ADAM29: variants seen among roughly 807,000 people sequenced by gnomAD.
ADAM29 encodes disintegrin and metalloproteinase domain-containing protein 29.
For synonymous variants in ADAM29, 367 were observed against 342.3 expected (o/e 1.07, Z -0.80); for missense variants, 969 against 1,001.8 (o/e 0.97, Z 0.44).
chr4:174,956,900 A>G (rs1745539533), intron 4 of ADAM29, among the ~76,000 whole-genome samples: 1 of 151,890 alleles, frequency 6.6e-6, no homozygotes, highest in Non-Finnish European at 1.5e-5. Context: ...TGATTCCTAA[A>G]AGTCATGTTC....
chr4:174,950,118 G>C (rs1439158270), intron 4 of ADAM29, among the ~76,000 whole-genome samples: 1 of 152,062 alleles, frequency 6.6e-6, no homozygotes, highest in Non-Finnish European at 1.5e-5. Context: ...ATAAGTAAAA[G>C]TATTGATTTT....
chr4:174,923,815 A>C (rs1252320531), intron 2 of ADAM29: 1 of 152,228 alleles, frequency 6.6e-6, no homozygotes, highest in African/African-American at 2.4e-5. Context: ...TTATATGCCT[A>C]CCTCCAGGCA....
chr4:174,962,056 A>G (rs961160471), intron 4 of ADAM29, among the ~76,000 whole-genome samples: 3 of 152,226 alleles, frequency 2.0e-5, no homozygotes, highest in Non-Finnish European at 4.4e-5. Flanking sequence ...AAGAAAATAA[A>G]AATAATAATT....
chr4:174,929,026 G>T (rs1259933970), intron 2 of ADAM29, among the ~76,000 whole-genome samples: 1 of 152,202 alleles, frequency 6.6e-6, no homozygotes, highest in South Asian at 2.1e-4. Context: ...GTTGAGTCAG[G>T]TTCAGGGGAA....
intron 4 of ADAM29, among the ~76,000 whole-genome samples, chr4:174,970,278 C>A (rs575812986): frequency 6.6e-6 from 1 of 152,160 alleles, no homozygotes; most frequent in Admixed American, 6.6e-5. Context: ...ATTAAGGTTG[C>A]AGATGGAATC....
intron 4 of ADAM29, among the ~76,000 whole-genome samples, chr4:174,950,781 A>T (rs1221375469): frequency 6.6e-6 from 1 of 152,132 alleles, no homozygotes; most frequent in Non-Finnish European, 1.5e-5. Context: ...GCCTGGTGGG[A>T]AGTGAGTAAT....
At chr4:174,924,603 C>T (rs1205869239) in intron 2 of ADAM29, among the ~76,000 whole-genome samples, 1 of 152,024 alleles carries the variant, frequency 6.6e-6, no homozygotes, top group Non-Finnish European at 1.5e-5. Context: ...TACGACATAT[C>T]AATACAATGG....
chr4:174,932,357 G>C (rs1382833857), intron 3 of ADAM29, among the ~76,000 whole-genome samples: 1 of 152,144 alleles, frequency 6.6e-6, no homozygotes, highest in Non-Finnish European at 1.5e-5. Context: ...TATAATCAGA[G>C]AGTAAAGATG....
At chr4:174,941,352 G>T (rs968801986) in intron 4 of ADAM29, among the ~76,000 whole-genome samples, 2 of 152,008 alleles carry the variant, frequency 1.3e-5, no homozygotes, top group Admixed American at 6.6e-5. Flanking sequence ...TCCATGGGTT[G>T]GTTCCCTATA....
chr4:174,940,755 T>C (rs375433263), intron 4 of ADAM29, among the ~76,000 whole-genome samples: 10 of 152,160 alleles, frequency 6.6e-5, no homozygotes, highest in Non-Finnish European at 1.3e-4. Flanking sequence ...TGACTTTATA[T>C]GTGACATTTT....
intron 4 of ADAM29, among the ~76,000 whole-genome samples, chr4:174,956,622 T>A (rs893943524): frequency 1.3e-5 from 2 of 151,842 alleles, no homozygotes; most frequent in Non-Finnish European, 2.9e-5. Flanking sequence ...ATAATCATTG[T>A]GGTGGTAATA....
At chr4:174,929,230 G>T (rs1318538367) in intron 2 of ADAM29, among the ~76,000 whole-genome samples, 1 of 151,968 alleles carries the variant, frequency 6.6e-6, no homozygotes, top group Non-Finnish European at 1.5e-5. Context: ...TACACTCCTG[G>T]TTACTCCATA....
At position 174,959,816 on chromosome 4, in the gene ADAM29, A is replaced by G. The variant is rs79458744; in HGVS notation, c.-180-15530A>G. Among the ~76,000 whole-genome samples, 1,357 of 151,992 alleles carry G rather than the reference A, an allele frequency of 8.9e-3. 9 individuals are homozygous for G. Among genetic ancestry groups the G allele is most frequent in the Non-Finnish European group, 0.014 (952 of 67,838 alleles). On this transcript the variant is annotated intron_variant, in intron 4 of 4. Transcript: ENST00000359240. ...ACACATTCATTTCTGTTACTTTAAG[A>G]AAGTTTTCTGCATTTTATTTTTTAC... is the stretch of plus-strand genomic sequence containing the variant.
At chr4:174,969,868 A>G (rs2111095861) in intron 4 of ADAM29, among the ~76,000 whole-genome samples, 1 of 152,216 alleles carries the variant, frequency 6.6e-6, no homozygotes, top group South Asian at 2.1e-4. Flanking sequence ...TCCCATAAAT[A>G]TTTGATTAAA....
intron 3 of ADAM29, among the ~76,000 whole-genome samples, chr4:174,933,900 G>T (rs1744053497): frequency 6.6e-6 from 1 of 152,064 alleles, no homozygotes; most frequent in African/African-American, 2.4e-5. Context: ...GGTTAATTCT[G>T]TGTCTCTACT....
intron 4 of ADAM29, among the ~76,000 whole-genome samples, chr4:174,946,611 A>G (rs1011846268): frequency 1.3e-5 from 2 of 151,986 alleles, no homozygotes; most frequent in Non-Finnish European, 2.9e-5. Flanking sequence ...TTTCCCATTC[A>G]CTGTGATATT....
chr4:174,962,279 G>A (rs1055314755), intron 4 of ADAM29, among the ~76,000 whole-genome samples: 31 of 152,110 alleles, frequency 2.0e-4, no homozygotes, highest in African/African-American at 4.3e-4. Context: ...TGGGAGGCCG[G>A]GGCGGGCAGA....
rs143383748 is a variant in ADAM29, at chr4:174,920,035, T to G, written c.-556-652T>G. On this transcript the variant is annotated intron_variant, in intron 1 of 4. Coordinates refer to ENST00000359240, the MANE Select transcript of ADAM29 (RefSeq NM_014269.4). ...GAGAATTTATGCATATATAGGCATT[T>G]CATGCTTTAAAAATTAGCCCTTCAA... Among the ~76,000 whole-genome samples the G allele has an allele frequency of 8.0e-3, 1,223 of 152,320 alleles. 8 individuals carry two copies. Among genetic ancestry groups the G allele is most frequent in the Middle Eastern group, 0.027 (8 of 294 alleles).
chr4:174,975,713 A>G lies in ADAM29; in HGVS notation c.188A>G (p.His63Arg). The change falls in exon 5 of 5, where the codon CAC becomes CGC. Residue 63 changes from histidine (H) to arginine (R), a missense_variant. Coordinates refer to ENST00000359240, the MANE Select transcript of ADAM29 (RefSeq NM_014269.4). The part of the protein sequence containing the change: ...SYILPFGGQK[H>R]IIHIKVKKLL... ...ATCCTGCCCTTTGGAGGCCAGAAAC[A>G]CATTATCCACATAAAGGTCAAGAAG... 1 of 1,611,682 alleles carries G rather than the reference A, an allele frequency of 6.2e-7. No individual in the cohort carries two copies. The highest frequency in any genetic ancestry group is 2.2e-5 in the East Asian group (1 of 44,862).
Sources: allele counts gnomAD v4.1 joint callset (sites outside exome capture counted in the v4.1 genomes callset), GRCh38; gene constraint gnomAD v4.1.1; transcripts MANE v1.5; gene names NCBI Gene and HGNC (gene_info 2026-07-23, HGNC 2026-07-21).